DDHD1: variants seen among roughly 807,000 people sequenced by gnomAD.
DDHD1 encodes phospholipase DDHD1.
In DDHD1, 49 loss-of-function variants were observed where a neutral mutation model predicts 96.4. The observed-to-expected ratio is 0.51, with a 90% CI of 0.40 to 0.64. The LOEUF is 0.64. Among genes scored for constraint, DDHD1 ranks in the 30% least tolerant of loss-of-function variants. DDHD1 has a pLI of 0.00. For synonymous variants in DDHD1, 442 were observed against 446.5 expected, an observed-to-expected ratio of 0.99 and a Z score of 0.13; for missense variants, 1,106 against 1,161.2, an observed-to-expected ratio of 0.95 and a Z score of 0.69.
chr14:53,152,470 C>T lies in DDHD1; in HGVS notation c.629G>A (p.Arg210Gln), dbSNP rs756129174. 7.4e-6 allele frequency: 12 copies of T among 1,612,960 alleles called. No individual in the cohort carries two copies. The highest frequency in any genetic ancestry group is 1.3e-5 in the African/African-American group (1 of 75,048). ...TTGARPQGGD[R>Q]DGDHVCSPTG... ...GGGGGAGCACACATGGTCGCCGTCC[C>T]GGTCCCCGCCCTGGGGCCGGGCACC... is the stretch of plus-strand genomic sequence containing the variant. Residue 210 changes from arginine (R) to glutamine (Q), a missense_variant, in exon 1 of 13, where the codon CGG (arginine) becomes CAG (glutamine). This residue lies in a region of DDHD1 where 456 missense variants were observed against 402.4 expected (regional missense o/e 1.13). Coordinates refer to ENST00000673822, the MANE Select transcript of DDHD1 (RefSeq NM_001160148.2).
intron 1 of DDHD1, among the ~76,000 whole-genome samples, chr14:53,147,394 ACT>A (rs1349359840): frequency 1.4e-4 from 22 of 152,224 alleles, no homozygotes; most frequent in Admixed American, 1.4e-3. Context: ...AGAAAACCAC[ACT>A]GATTGCTCTA....
intron 1 of DDHD1, among the ~76,000 whole-genome samples, chr14:53,116,853 A>G (rs943214744): frequency 6.6e-6 from 1 of 152,154 alleles, no homozygotes; most frequent in Non-Finnish European, 1.5e-5. Context: ...AGCTGGCAGA[A>G]GCAAGAAATA....
intron 9 of DDHD1, among the ~76,000 whole-genome samples, chr14:53,057,842 T>C (rs1166526717): frequency 6.6e-6 from 1 of 152,258 alleles, no homozygotes; most frequent in Non-Finnish European, 1.5e-5. Flanking sequence ...CCTTGTAAGA[T>C]GTCTTAGACA....
intron 1 of DDHD1, among the ~76,000 whole-genome samples, chr14:53,120,838 T>C (rs1888926358): frequency 6.6e-6 from 1 of 152,034 alleles, no homozygotes; most frequent in Non-Finnish European, 1.5e-5. Flanking sequence ...CCCCAAACCA[T>C]AAAAACCCTA....
chr14:53,059,934 T>G (rs1412525075), intron 8 of DDHD1, among the ~76,000 whole-genome samples: 2 of 146,350 alleles, frequency 1.4e-5, no homozygotes, highest in Non-Finnish European at 3.0e-5. Context: ...ATGGGATCAC[T>G]CCAAAGACCA....
intron 1 of DDHD1, among the ~76,000 whole-genome samples, chr14:53,126,085 C>T (rs1889409117): frequency 6.6e-6 from 1 of 152,146 alleles, no homozygotes; most frequent in South Asian, 2.1e-4. Flanking sequence ...TTAAGTTCTT[C>T]AAGTTATATA....
At chr14:53,150,929 C>A (rs1348283399) in intron 1 of DDHD1, among the ~76,000 whole-genome samples, 1 of 152,100 alleles carries the variant, frequency 6.6e-6, no homozygotes, top group Non-Finnish European at 1.5e-5. Flanking sequence ...TAAATCTGAC[C>A]TTATAAAAAT....
intron 4 of DDHD1, among the ~76,000 whole-genome samples, chr14:53,074,076 TTTACA>T (rs1884751943): frequency 2.0e-5 from 3 of 152,054 alleles, no homozygotes; most frequent in Non-Finnish European, 2.9e-5. Flanking sequence ...ATTCTAAGCT[TTTACA>T]TTATATTCTA....
At chr14:53,094,859 A>G (rs1886744963) in intron 2 of DDHD1, among the ~76,000 whole-genome samples, 1 of 149,128 alleles carries the variant, frequency 6.7e-6, no homozygotes, top group African/African-American at 2.5e-5. Context: ...AAAAAAAAAA[A>G]TCAGTATGGT....
intron 2 of DDHD1, among the ~76,000 whole-genome samples, chr14:53,095,756 GCT>G (rs1478992508): frequency 6.6e-6 from 1 of 152,080 alleles, no homozygotes; most frequent in African/African-American, 2.4e-5. Flanking sequence ...ACTACTTCAA[GCT>G]CTTATATGTT....
At chr14:53,146,790 C>T (rs376963782) in intron 1 of DDHD1, among the ~76,000 whole-genome samples, 13 of 152,136 alleles carry the variant, frequency 8.5e-5, no homozygotes, top group South Asian at 2.1e-4. Flanking sequence ...CCAATGTAGA[C>T]GCAAAAGAGT....
rs3742531 is a variant in DDHD1 at position 53,055,933 on chromosome 14, T to G, written c.1993-21A>C. On this transcript the variant is annotated intron_variant, in intron 9 of 12. Coordinates refer to ENST00000673822, the MANE Select transcript of DDHD1 (RefSeq NM_001160148.2). ...TAAGCCTTGATTTAAAAAAAAAAAT[T>G]CAAAGAAACACAGTGTTAAATCACA... 7,952 of 1,583,850 alleles carry G rather than the reference T, an allele frequency of 5.0e-3. 211 individuals carry two copies. The Admixed American group carries it at 0.072, about 14-fold the overall frequency.
At chr14:53,102,695 T>C (rs571815894) in intron 2 of DDHD1, among the ~76,000 whole-genome samples, 68 of 151,898 alleles carry the variant, frequency 4.5e-4, no homozygotes, top group African/African-American at 1.5e-3. Flanking sequence ...AGAAAAAATA[T>C]GGAGTGTTAC....
At chr14:53,062,075 CTTTT>C (rs762439763) in intron 7 of DDHD1, among the ~76,000 whole-genome samples, 1 of 145,208 alleles carries the variant, frequency 6.9e-6, no homozygotes, top group African/African-American at 2.5e-5. Flanking sequence ...ATTTTCCATG[CTTTT>C]TTTTTCTTTT....
chr14:53,041,582 A>G lies in DDHD1; in HGVS notation c.*5186T>C, dbSNP rs900914819. ...GGAAAGGAATGTTAAACATTAGTTAACACTGTGCAACTTGTTTCCTTAAGT... is the reference window on the plus strand; with the variant it reads ...GGAAAGGAATGTTAAACATTAGTTAGCACTGTGCAACTTGTTTCCTTAAGT... On this transcript the variant is annotated 3_prime_UTR_variant, in exon 13 of 13. Coordinates refer to ENST00000673822, the MANE Select transcript of DDHD1 (RefSeq NM_001160148.2). 4 of 152,240 alleles carry G rather than the reference A, an allele frequency of 2.6e-5. No homozygotes were observed. The highest frequency in any genetic ancestry group is 9.6e-5 in the African/African-American group (4 of 41,470). 9.4% of individuals were successfully genotyped at this position (152,240 alleles called of 1,614,324 possible). A position where few individuals can be genotyped will look rare whatever the true frequency, so the allele number is the denominator to read the frequency against.
chr14:53,124,635 C>T (rs980673483), intron 1 of DDHD1, among the ~76,000 whole-genome samples: 3 of 152,060 alleles, frequency 2.0e-5, no homozygotes, highest in South Asian at 2.1e-4. Flanking sequence ...TAAAGAATTC[C>T]GGACAATGTA....
At chr14:53,052,990 TAAA>T (rs1482468861) in intron 11 of DDHD1, 1 of 149,398 alleles carries the variant, frequency 6.7e-6, no homozygotes, top group Non-Finnish European at 1.5e-5. Context: ...AAAAAAAACC[TAAA>T]AAAGTTTTAT....
intron 1 of DDHD1, among the ~76,000 whole-genome samples, chr14:53,132,517 T>C (rs1474090575): frequency 6.6e-6 from 1 of 152,186 alleles, no homozygotes; most frequent in Non-Finnish European, 1.5e-5. Context: ...TCTACCGCTC[T>C]GCCCCCCTCC....
At position 53,067,289 on chromosome 14, in the gene DDHD1, G is replaced by A. The variant is rs564016640; in HGVS notation, c.1504-4084C>T. On this transcript the variant is annotated intron_variant, in intron 6 of 12. Coordinates refer to ENST00000673822, the MANE Select transcript of DDHD1 (RefSeq NM_001160148.2). The stretch of plus-strand genomic sequence containing the variant: ...TTCTTCTGCCTTACCCTCACCAGTA[G>A]CTGGGACTACAGGTGCCTGTCACCA... 5.9e-5 allele frequency among the ~76,000 whole-genome samples: 9 copies of A among 151,692 alleles called. No individual in the cohort carries two copies. In the South Asian group the frequency reaches 1.9e-3, roughly 32 times the overall value.
Sources: gnomAD v4.1 joint callset for allele counts (sites outside exome capture counted in the v4.1 genomes callset) on GRCh38, gnomAD v4.1.1 for gene constraint, gnomAD v4.1.1 regional missense constraint, MANE v1.5 for transcripts, NCBI Gene and HGNC (gene_info 2026-07-23, HGNC 2026-07-21) for gene names.